Variants in TM2D1 observed in about 807,000 individuals in gnomAD.
The protein encoded by TM2D1 is TM2 domain containing 1, also known as TM2 domain-containing protein 1.
In TM2D1, 15 loss-of-function variants were observed where a neutral mutation model predicts 28.4. That is an observed-to-expected ratio of 0.53 (90% CI 0.35 to 0.81). TM2D1 has a LOEUF of 0.81. Ranked by LOEUF, TM2D1 falls within the 40% of genes least tolerant of loss-of-function variation. The pLI is 0.01. For missense variants in TM2D1, 236 were observed against 254.9 expected, an observed-to-expected ratio of 0.93 and a Z score of 0.50; for synonymous variants, 93 against 96.2, an observed-to-expected ratio of 0.97 and a Z score of 0.20.
chr1:61,712,978 T>C (rs937886000), intron 2 of TM2D1, among the ~76,000 whole-genome samples: 16 of 150,058 alleles, frequency 1.1e-4, no homozygotes, highest in African/African-American at 3.7e-4. Context: ...TCAGGTCACC[T>C]GACCAACATG....
intron 2 of TM2D1, among the ~76,000 whole-genome samples, chr1:61,709,970 A>G (rs542997770): frequency 6.6e-6 from 1 of 152,280 alleles, no homozygotes; most frequent in South Asian, 2.1e-4. Context: ...AATTTAAGCA[A>G]TCTTGATCCT....
At chr1:61,692,981 G>T (rs369161441) in intron 5 of TM2D1, among the ~76,000 whole-genome samples, 2 of 152,098 alleles carry the variant, frequency 1.3e-5, no homozygotes, top group Admixed American at 6.6e-5. Context: ...AGTTGCTCAC[G>T]CCTGTAATAA....
At chr1:61,724,851 T>C (rs1644593442) in intron 1 of TM2D1, 106 bp downstream of exon 1, 1 of 1,232,808 alleles carries the variant, frequency 8.1e-7, no homozygotes. Context: ...CAGATCAGAT[T>C]ATCGTTTTCA....
In TM2D1 at chr1:61,725,104, G is replaced by T. The variant is rs751636109; in HGVS notation, c.17C>A (p.Pro6Gln). 1 of 1,613,576 alleles carries T rather than the reference G, an allele frequency of 6.2e-7. No homozygotes were observed. The highest frequency in any genetic ancestry group is 1.3e-5 in the African/African-American group (1 of 75,064). The change falls in exon 1 of 7, where the codon CCG becomes CAG. Residue 6 changes from proline to glutamine, a missense_variant. Pro to Gln is a moderately conservative substitution (Grantham distance 76). Around this residue, in one of 3 missense-constraint regions of TM2D1, gnomAD observed 167 missense variants for 162.7 expected, o/e 1.03. Transcript: ENST00000606498. MAAAW[P>Q]SGPSAPEAVT... ...GGCCTCCGGAGCAGACGGACCAGAC[G>T]GCCAGGCGGCCGCCATCTTGGAGAC...
At chr1:61,698,785 A>G (rs1644381550) in intron 4 of TM2D1, 1 of 151,054 alleles carries the variant, frequency 6.6e-6, no homozygotes, top group Non-Finnish European at 1.5e-5. Context: ...CTATGTCACT[A>G]TGTTGTCTCT....
intron 4 of TM2D1, chr1:61,700,197 C>A (rs1388792278): frequency 6.5e-7 from 1 of 1,536,870 alleles, no homozygotes; most frequent in Admixed American, 2.1e-5. Flanking sequence ...AAGATGATAA[C>A]AACAAATATG....
chr1:61,711,481 T>A (rs554799398), intron 2 of TM2D1, among the ~76,000 whole-genome samples: 1 of 151,722 alleles, frequency 6.6e-6, no homozygotes, highest in South Asian at 2.1e-4. Context: ...GAGATCCCCA[T>A]CTCTACAAAA....
chr1:61,688,195 C>T (rs998844460), intron 5 of TM2D1, among the ~76,000 whole-genome samples: 4 of 152,116 alleles, frequency 2.6e-5, no homozygotes, highest in African/African-American at 7.2e-5. Flanking sequence ...CATTGGGATT[C>T]GTCTCAGAAC....
At chr1:61,700,053 T>C (rs1386818345) in intron 4 of TM2D1, 21 of 1,323,870 alleles carry the variant, frequency 1.6e-5, no homozygotes, top group South Asian at 1.1e-4. Context: ...GAAGGGCTAA[T>C]ATAGAAGCAG....
At chr1:61,717,228 C>T (rs919603785) in intron 2 of TM2D1, among the ~76,000 whole-genome samples, 1 of 151,680 alleles carries the variant, frequency 6.6e-6, no homozygotes, top group African/African-American at 2.4e-5. Context: ...ATTAGCCGGG[C>T]GTGGTGGCGG....
chr1:61,687,322 G>A (rs1002873254), intron 5 of TM2D1, among the ~76,000 whole-genome samples: 1 of 152,216 alleles, frequency 6.6e-6, no homozygotes, highest in African/African-American at 2.4e-5. Flanking sequence ...TTTAGAAATA[G>A]ATAGTGGTGA....
intron 5 of TM2D1, among the ~76,000 whole-genome samples, chr1:61,688,117 G>T (rs1644296242): frequency 6.6e-6 from 1 of 152,110 alleles, no homozygotes; most frequent in African/African-American, 2.4e-5. Context: ...AATCATAAAT[G>T]ACCAATATAA....
chr1:61,718,912 T>C (rs1644541228), intron 2 of TM2D1, among the ~76,000 whole-genome samples: 1 of 152,156 alleles, frequency 6.6e-6, no homozygotes, highest in African/African-American at 2.4e-5. Context: ...TTTAGGATCC[T>C]GTACTGGGAG....
intron 5 of TM2D1, among the ~76,000 whole-genome samples, chr1:61,687,761 T>C (rs1021594022): frequency 4.6e-5 from 7 of 152,336 alleles, no homozygotes; most frequent in Admixed American, 4.6e-4. Context: ...AAAAGACTTC[T>C]GAGTTCCTCC....
At chr1:61,686,637 C>G (rs528897556) in intron 5 of TM2D1, among the ~76,000 whole-genome samples, 1 of 152,206 alleles carries the variant, frequency 6.6e-6, no homozygotes, top group African/African-American at 2.4e-5. Context: ...TCCACTCCAA[C>G]CTGGGAAACA....
At chr1:61,710,236 G>A (rs936285525) in intron 2 of TM2D1, among the ~76,000 whole-genome samples, 2 of 151,430 alleles carry the variant, frequency 1.3e-5, no homozygotes, top group African/African-American at 4.9e-5. Flanking sequence ...ACCAGCATGG[G>A]CAACATGGCG....
chr1:61,692,594 TAAAC>T (rs1644336242), intron 5 of TM2D1, among the ~76,000 whole-genome samples: 1 of 150,844 alleles, frequency 6.6e-6, no homozygotes, highest in Non-Finnish European at 1.5e-5. Context: ...GAAAGAAAAA[TAAAC>T]AAAAAGATGA....
intron 2 of TM2D1, among the ~76,000 whole-genome samples, chr1:61,712,889 C>A (rs1295161441): frequency 6.6e-6 from 1 of 152,086 alleles, no homozygotes; most frequent in Non-Finnish European, 1.5e-5. Context: ...CACTTAAAAG[C>A]TGAGAATTGG....
chr1:61,703,569 C>T (rs1301675868), intron 3 of TM2D1, among the ~76,000 whole-genome samples: 8 of 147,668 alleles, frequency 5.4e-5, no homozygotes, highest in Admixed American at 4.1e-4. Context: ...TGTGCCACCA[C>T]ACCCAGCTAA....
Sources: gnomAD v4.1 joint callset for allele counts (sites outside exome capture counted in the v4.1 genomes callset) on GRCh38, gnomAD v4.1.1 for gene constraint, gnomAD v4.1.1 regional missense constraint, MANE v1.5 for transcripts, NCBI Gene and HGNC (gene_info 2026-07-23, HGNC 2026-07-21) for gene names.